Variants in KIAA1549L observed in about 807,000 individuals in gnomAD.
KIAA1549L encodes UPF0606 protein KIAA1549L.
In KIAA1549L, 88 loss-of-function variants were observed where a neutral mutation model predicts 160.7. The ratio of observed to expected loss-of-function variants is 0.55; its 90% confidence interval spans 0.46 to 0.65. The LOEUF (loss-of-function observed/expected upper bound fraction) is 0.65, where lower values mean the gene tolerates loss of function less well. KIAA1549L is among the 30% of genes least tolerant of loss of function. KIAA1549L has a pLI of 0.00. For synonymous variants in KIAA1549L, 950 were observed against 976.7 expected (o/e 0.97, Z 0.51); for missense variants, 2,258 against 2,437.5 (o/e 0.93, Z 1.55).
At chr11:33,527,906 C>A (rs1013741279) in intron 1 of KIAA1549L, among the ~76,000 whole-genome samples, 1 of 152,182 alleles carries the variant, frequency 6.6e-6, no homozygotes, top group Non-Finnish European at 1.5e-5. Context: ...TCCTATGTGT[C>A]ATGGGAGGAA....
intron 1 of KIAA1549L, chr11:33,403,562 A>T (rs1021917958): frequency 5.3e-5 from 8 of 152,340 alleles, no homozygotes; most frequent in Non-Finnish European, 2.9e-5. Context: ...ACACGCATGG[A>T]CAGACATGCA....
At position 33,534,589 on chromosome 11, in the gene KIAA1549L, G is replaced by A. The variant is rs1373597213; in HGVS notation, c.239-7213G>A. On this transcript the variant is annotated intron_variant, in intron 1 of 20. Transcript: ENST00000658780. ...CTTAGTATTTTTTTTCTTGAAAAATGGAATTAAAAAATAAGAGTACAGCCT... is the reference window on the plus strand; with the variant it reads ...CTTAGTATTTTTTTTCTTGAAAAATAGAATTAAAAAATAAGAGTACAGCCT... Among the ~76,000 whole-genome samples, 5 of 151,838 alleles carry A rather than the reference G, an allele frequency of 3.3e-5. No individual in the cohort carries two copies. The East Asian group carries it at 7.7e-4, about 23-fold the overall frequency.
intron 20 of KIAA1549L, among the ~76,000 whole-genome samples, chr11:33,662,138 C>A (rs1453892899): frequency 6.6e-6 from 1 of 152,108 alleles, no homozygotes; most frequent in Non-Finnish European, 1.5e-5. Flanking sequence ...GTAGGATGAA[C>A]TCTCATGGCT....
chr11:33,491,594 A>C (rs1334148348), intron 1 of KIAA1549L, among the ~76,000 whole-genome samples: 4 of 152,240 alleles, frequency 2.6e-5, no homozygotes, highest in Non-Finnish European at 5.9e-5. Context: ...TTGAAGCCCA[A>C]GCTAAAAAAA....
At chr11:33,667,586 G>A (rs1852513533) in intron 20 of KIAA1549L, among the ~76,000 whole-genome samples, 3 of 151,928 alleles carry the variant, frequency 2.0e-5, no homozygotes. Flanking sequence ...AGTAGAGAAG[G>A]GGTTTCACCA....
chr11:33,606,892 A>G (rs541954430), intron 14 of KIAA1549L, 70 bp downstream of exon 14: 3 of 1,308,298 alleles, frequency 2.3e-6, no homozygotes, highest in Non-Finnish European at 2.1e-6. Flanking sequence ...AAGGAACAAC[A>G]CCTGTGAATA....
chr11:33,408,489 G>GTGTATATATATATA (rs34208718), intron 1 of KIAA1549L, among the ~76,000 whole-genome samples: 68 of 123,056 alleles, frequency 5.5e-4, no homozygotes, highest in African/African-American at 1.8e-3. Context: ...CTGTATATGT[G>GTGTATATATATATA]TATATATATA....
At chr11:33,470,362 C>T (rs905442082) in intron 1 of KIAA1549L, among the ~76,000 whole-genome samples, 1 of 152,138 alleles carries the variant, frequency 6.6e-6, no homozygotes, top group African/African-American at 2.4e-5. Context: ...AGTTCTATTA[C>T]ATTGATCTCA....
At chr11:33,598,348 G>C (rs1305171451) in intron 12 of KIAA1549L, among the ~76,000 whole-genome samples, 1 of 152,096 alleles carries the variant, frequency 6.6e-6, no homozygotes, top group African/African-American at 2.4e-5. Context: ...CCCGAAAACT[G>C]AAAATTGGAA....
At chr11:33,555,720 CAT>C in intron 6 of KIAA1549L, among the ~76,000 whole-genome samples, 1 of 152,154 alleles carries the variant, frequency 6.6e-6, no homozygotes, top group Non-Finnish European at 1.5e-5. Flanking sequence ...TATGGGAAAA[CAT>C]AGGGGAAAAA....
At chr11:33,593,612 G>A (rs1354381337) in intron 12 of KIAA1549L, among the ~76,000 whole-genome samples, 1 of 152,164 alleles carries the variant, frequency 6.6e-6, no homozygotes, top group East Asian at 1.9e-4. Flanking sequence ...GAGTTTAGAG[G>A]TGTTTTGAAG....
intron 16 of KIAA1549L, among the ~76,000 whole-genome samples, chr11:33,628,804 A>T (rs572630617): frequency 1.3e-5 from 2 of 150,046 alleles, no homozygotes; most frequent in South Asian, 4.2e-4. Context: ...TAATATTGTT[A>T]TGTGTGAATT....
At chr11:33,390,730 G>T (rs1850257922) in intron 1 of KIAA1549L, among the ~76,000 whole-genome samples, 1 of 152,210 alleles carries the variant, frequency 6.6e-6, no homozygotes, top group South Asian at 2.1e-4. Context: ...AGCAGTAAAA[G>T]ACAACTTCAC....
intron 7 of KIAA1549L, among the ~76,000 whole-genome samples, chr11:33,561,282 T>C (rs1854850667): frequency 6.6e-6 from 1 of 152,200 alleles, no homozygotes; most frequent in Non-Finnish European, 1.5e-5. Flanking sequence ...CAGAAGATTT[T>C]GATGAAAAAA....
intron 1 of KIAA1549L, among the ~76,000 whole-genome samples, chr11:33,401,880 G>T (rs1056137332): frequency 2.6e-5 from 4 of 152,180 alleles, no homozygotes; most frequent in African/African-American, 9.6e-5. Context: ...ACAAGCCAAA[G>T]GTCACCAACT....
chr11:33,386,955 A>C (rs1397236397), intron 1 of KIAA1549L, among the ~76,000 whole-genome samples: 1 of 151,884 alleles, frequency 6.6e-6, no homozygotes, highest in African/African-American at 2.4e-5. Flanking sequence ...AAAAATACAA[A>C]AATTAGCCAG....
At position 33,542,964 on chromosome 11, in the gene KIAA1549L, C is replaced by T. The variant is rs1199233445; in HGVS notation, c.1401C>T (p.Thr467=). The change falls in exon 2 of 21, where the codon ACC becomes ACT. Residue 467 remains threonine (T), a synonymous_variant. Transcript: ENST00000658780. ...GGCCCGCCCTTTCGGCAGAACACAC[C>T]TCTTCTTTGGTGCCTTCTCTGCATA... The part of the protein sequence containing the change: ...SRGPALSAEH[T]SSLVPSLHIT... 4.3e-6 allele frequency: 7 copies of T among 1,614,048 alleles called. No homozygotes were observed. Among genetic ancestry groups the T allele is most frequent in the South Asian group, 3.3e-5 (3 of 91,088 alleles).
rs749737275 is a variant in KIAA1549L at position 33,668,016 on chromosome 11, G to A, written c.6303G>A (p.Ser2101=). The part of the protein sequence containing the change: ...EQAPAPSTAA[S]QQSLAENDPS... Reference sequence around the variant, plus strand: ...CCCCGGCGCCCTCCACAGCGGCCTCGCAGCAGAGCCTGGCAGAAAACGACC... The same window carrying A: ...CCCCGGCGCCCTCCACAGCGGCCTCACAGCAGAGCCTGGCAGAAAACGACC... Residue 2101 remains serine (S), a synonymous_variant, in exon 21 of 21, where the codon TCG becomes TCA. Coordinates refer to ENST00000658780, the MANE Select transcript of KIAA1549L (RefSeq NM_012194.3). 22 of 1,613,844 alleles carry A rather than the reference G, an allele frequency of 1.4e-5. No individual in the cohort carries two copies. The highest frequency in any genetic ancestry group is 5.0e-5 in the Admixed American group (3 of 60,004).
intron 1 of KIAA1549L, among the ~76,000 whole-genome samples, chr11:33,409,398 C>A (rs1850741377): frequency 1.3e-5 from 2 of 152,120 alleles, no homozygotes; most frequent in Admixed American, 1.3e-4. Context: ...TTTCTGAGTT[C>A]TTGTTTTTCT....
Sources: allele counts gnomAD v4.1 joint callset (sites outside exome capture counted in the v4.1 genomes callset), GRCh38; gene constraint gnomAD v4.1.1; transcripts MANE v1.5; gene names NCBI Gene and HGNC (gene_info 2026-07-23, HGNC 2026-07-21).